Variants in LBP observed in about 807,000 individuals in gnomAD.
LBP encodes lipopolysaccharide-binding protein.
Under a neutral mutation model 56.6 loss-of-function variants are expected in LBP, and 53 were observed. That is an observed-to-expected ratio of 0.94 (90% CI 0.75 to 1.18). The LOEUF is 1.18. Among genes scored for constraint, LBP ranks in the 50% most tolerant of loss-of-function variants. The probability of loss-of-function intolerance (pLI) is 0.00; values close to 1 mark genes in which losing one functional copy is unlikely to be tolerated. For missense variants in LBP, 601 were observed against 598.3 expected, an observed-to-expected ratio of 1.00 and a Z score of -0.05; for synonymous variants, 227 against 247.5, an observed-to-expected ratio of 0.92 and a Z score of 0.78.
At chr20:38,349,499 G>C (rs779670782) in intron 1 of LBP, 49 bp from the exon 2 acceptor site, 2 of 1,405,140 alleles carry the variant, frequency 1.4e-6, no homozygotes, top group Admixed American at 3.9e-5. Flanking sequence ...TTAGAGCAGG[G>C]GAGGAGGCAG....
At chr20:38,348,925 C>T (rs775252677) in intron 1 of LBP, among the ~76,000 whole-genome samples, 1 of 152,168 alleles carries the variant, frequency 6.6e-6, no homozygotes, top group Non-Finnish European at 1.5e-5. Flanking sequence ...TCCTGAGTAG[C>T]TGAGACTACA....
At chr20:38,362,589 G>C (rs960044311) in intron 6 of LBP, among the ~76,000 whole-genome samples, 1 of 151,164 alleles carries the variant, frequency 6.6e-6, no homozygotes. Flanking sequence ...CTCCAGCCTG[G>C]GCAACAGAAC....
intron 1 of LBP, among the ~76,000 whole-genome samples, chr20:38,347,742 C>A (rs1205994903): frequency 2.0e-5 from 3 of 152,124 alleles, no homozygotes; most frequent in Non-Finnish European, 4.4e-5. Context: ...CTGCTTTCTG[C>A]AGTTCCAGGA....
intron 8 of LBP, among the ~76,000 whole-genome samples, chr20:38,366,356 T>A (rs906656727): frequency 4.6e-5 from 7 of 152,228 alleles, no homozygotes; most frequent in African/African-American, 1.4e-4. Context: ...GCACTCACCA[T>A]GTGCTGGGCC....
chr20:38,356,636 A>G (rs1289590841), intron 5 of LBP, among the ~76,000 whole-genome samples: 2 of 152,204 alleles, frequency 1.3e-5, no homozygotes, highest in Non-Finnish European at 2.9e-5. Context: ...CCCTGTTGCC[A>G]TATTGCTGTG....
chr20:38,363,458 G>C (rs2076868857), intron 6 of LBP, among the ~76,000 whole-genome samples: 1 of 152,220 alleles, frequency 6.6e-6, no homozygotes, highest in African/African-American at 2.4e-5. Context: ...AGCTCGGAGG[G>C]GGAGACCCTG....
chr20:38,368,338 A>G (rs2076889887), intron 9 of LBP, among the ~76,000 whole-genome samples: 2 of 152,076 alleles, frequency 1.3e-5, no homozygotes, highest in South Asian at 4.2e-4. Context: ...GGTGGCTCAC[A>G]CCCGTAATCC....
chr20:38,362,163 A>G lies in LBP; in HGVS notation c.652+1396A>G, dbSNP rs997903952. ...AAGCTTCGCCTCGCGATTTCACGCC[A>G]TTCTCCTGTCTCAGCCTCGCGAGTA... On this transcript the variant is annotated intron_variant, in intron 6 of 14. Transcript: ENST00000217407. Among the ~76,000 whole-genome samples the G allele has an allele frequency of 2.1e-4, 31 of 144,362 alleles. 1 individual carries two copies. The highest frequency in any genetic ancestry group is 3.0e-5 in the Non-Finnish European group (2 of 67,100). The allele number at this position is 144,362 out of a possible 152,430, so 94.7% of individuals were successfully genotyped here.
At chr20:38,354,028 A>G (rs900634913) in intron 3 of LBP, among the ~76,000 whole-genome samples, 30 of 151,850 alleles carry the variant, frequency 2.0e-4, no homozygotes, top group Non-Finnish European at 4.1e-4. Flanking sequence ...TTAATTTTCT[A>G]TGCCGACAAG....
At chr20:38,369,287 T>C (rs2076893431) in intron 10 of LBP, 125 bp downstream of exon 10, 1 of 970,090 alleles carries the variant, frequency 1.0e-6, no homozygotes, top group African/African-American at 1.6e-5. Context: ...AAATATTACT[T>C]CCCGAGAGAG....
chr20:38,365,234 C>CAAAAA lies in LBP; in HGVS notation c.921+497_921+501dup, dbSNP rs10627735. On this transcript the variant is annotated intron_variant, in intron 8 of 14. Transcript: ENST00000217407. ...TGAGCAACAGAGTGAGACCCTGTCTCAAAAAAAAAAAAAAAAAAAGCTCTT... is the reference window on the plus strand; with the variant it reads ...TGAGCAACAGAGTGAGACCCTGTCTCAAAAAAAAAAAAAAAAAAAAAAAAGCTCTT... 6.8e-4 allele frequency among the ~76,000 whole-genome samples: 66 copies of CAAAAA among 96,638 alleles called. 1 individual carries two copies. Among genetic ancestry groups the CAAAAA allele is most frequent in the African/African-American group, 1.8e-3 (44 of 24,620 alleles). The allele number at this position is 96,638 out of a possible 152,430, so 63.4% of individuals were successfully genotyped here. A position where few individuals can be genotyped will look rare whatever the true frequency, so the allele number is the denominator to read the frequency against.
intron 1 of LBP, among the ~76,000 whole-genome samples, chr20:38,349,048 G>A (rs2122592689): frequency 6.6e-6 from 1 of 152,188 alleles, no homozygotes; most frequent in South Asian, 2.1e-4. Flanking sequence ...GCCCTCCTCG[G>A]CCTCCCAAAG....
rs371516003 is a variant in LBP, at chr20:38,364,089, G to C, written c.744+23G>C. The C allele has an allele frequency of 3.6e-5, 55 of 1,534,608 alleles. No individual in the cohort carries two copies. In the African/African-American group the frequency reaches 6.8e-4, roughly 19 times the overall value. ...AAGGTGAGGGTCCTGGGGCCGGGCT[G>C]CGTGGGTGAGGCTTTCCCTCAGGGT... On this transcript the variant is annotated intron_variant, in intron 7 of 14. Coordinates refer to ENST00000217407, the MANE Select transcript of LBP (RefSeq NM_004139.5).
rs2076874706 is a variant in LBP at position 38,364,719 on chromosome 20, A to T, written c.888A>T (p.Glu296Asp). The T allele has an allele frequency of 6.2e-7, 1 of 1,613,328 alleles. No homozygotes were observed. The highest frequency in any genetic ancestry group is 1.7e-5 in the Admixed American group (1 of 59,948). The change falls in exon 8 of 15, where the codon GAA becomes GAT. Residue 296 changes from glutamate to aspartate, a missense_variant. Coordinates refer to ENST00000217407, the MANE Select transcript of LBP (RefSeq NM_004139.5). Reference sequence around the variant, plus strand: ...CGGCCAGCCTGGTTTATCATGAGGAAGGATATCTGAACTTCTCCATCACAG... The same window carrying T: ...CGGCCAGCCTGGTTTATCATGAGGATGGATATCTGAACTTCTCCATCACAG... ...FNTASLVYHE[E>D]GYLNFSITDD...
intron 5 of LBP, among the ~76,000 whole-genome samples, chr20:38,355,983 T>C (rs1249939263): frequency 1.3e-5 from 2 of 151,224 alleles, no homozygotes; most frequent in African/African-American, 4.9e-5. Flanking sequence ...ATCCCGTTTC[T>C]GAGATATTAG....
intron 6 of LBP, among the ~76,000 whole-genome samples, chr20:38,363,035 T>C (rs1271068479): frequency 1.3e-5 from 2 of 152,216 alleles, no homozygotes; most frequent in African/African-American, 4.8e-5. Flanking sequence ...CCTTGCTGCA[T>C]AGTATATCAC....
intron 8 of LBP, 39 bp downstream of exon 8, chr20:38,364,791 T>G: frequency 6.5e-7 from 1 of 1,549,962 alleles, no homozygotes; most frequent in Non-Finnish European, 8.8e-7. Context: ...AATGAACACA[T>G]AACCTACCGC....
intron 10 of LBP, among the ~76,000 whole-genome samples, chr20:38,370,231 C>T (rs1267854359): frequency 6.6e-6 from 1 of 152,016 alleles, no homozygotes; most frequent in Non-Finnish European, 1.5e-5. Flanking sequence ...AAACAAATAG[C>T]CAGGCCTGGT....
chr20:38,348,353 G>A (rs1031122290), intron 1 of LBP, among the ~76,000 whole-genome samples: 46 of 148,128 alleles, frequency 3.1e-4, no homozygotes, highest in African/African-American at 1.1e-3. Flanking sequence ...TCACTCTGTT[G>A]CCAGGCTGGA....
Sources: gnomAD v4.1 joint callset for allele counts (sites outside exome capture counted in the v4.1 genomes callset) on GRCh38, gnomAD v4.1.1 for gene constraint, MANE v1.5 for transcripts, NCBI Gene and HGNC (gene_info 2026-07-23, HGNC 2026-07-21) for gene names.